The following CEP135 variants were observed in gnomAD, a reference collection of about 807,000 sequenced individuals.
CEP135 encodes the protein centrosomal protein of 135 kDa.
Under a neutral mutation model 157.3 loss-of-function variants are expected in CEP135, and 142 were observed. The observed-to-expected ratio is 0.90, with a 90% CI of 0.79 to 1.04. CEP135 has a LOEUF of 1.04. Among genes scored for constraint, CEP135 ranks in the 50% least tolerant of loss-of-function variants. The probability of loss-of-function intolerance (pLI) is 0.00; values close to 1 mark genes in which losing one functional copy is unlikely to be tolerated. For synonymous variants in CEP135, 396 were observed against 439.8 expected (o/e 0.90, Z 1.25); for missense variants, 1,317 against 1,309.2 (o/e 1.01, Z -0.09).
chr4:55,961,930 C>T (rs1728694737), intron 6 of CEP135, among the ~76,000 whole-genome samples: 2 of 151,910 alleles, frequency 1.3e-5, no homozygotes, highest in Admixed American at 6.6e-5. Context: ...GTTGCCTGTG[C>T]TCTTGACCCC....
In CEP135 at chr4:56,018,704, A is replaced by G. The variant is rs539733251; in HGVS notation, c.3013-649A>G. On this transcript the variant is annotated intron_variant, in intron 22 of 25. Transcript: ENST00000257287. Reference sequence around the variant, plus strand: ...GAGCCCAGGATGTCGAGGCCGCAGTAAGCAGAGATTGTGCCACTGCACTCC... The same window carrying G: ...GAGCCCAGGATGTCGAGGCCGCAGTGAGCAGAGATTGTGCCACTGCACTCC... Among the ~76,000 whole-genome samples the G allele has an allele frequency of 1.4e-4, 21 of 152,204 alleles. No individual in the cohort carries two copies. In the East Asian group the frequency reaches 3.9e-3, roughly 28 times the overall value.
intron 11 of CEP135, among the ~76,000 whole-genome samples, chr4:55,979,213 T>C (rs1172389661): frequency 6.6e-6 from 1 of 152,154 alleles, no homozygotes; most frequent in Non-Finnish European, 1.5e-5. Flanking sequence ...ATACCATAGA[T>C]CCCAAGTCTA....
intron 14 of CEP135, among the ~76,000 whole-genome samples, chr4:55,988,893 C>T (rs1357994394): frequency 2.7e-5 from 4 of 145,796 alleles, no homozygotes; most frequent in East Asian, 4.2e-4. Context: ...CCTAGGATGC[C>T]GAGCTTGCAG....
chr4:55,983,797 G>A (rs1007814792), intron 13 of CEP135, among the ~76,000 whole-genome samples: 22 of 152,234 alleles, frequency 1.4e-4, no homozygotes, highest in Middle Eastern at 6.8e-3. Flanking sequence ...TAGAATTATA[G>A]GCATGAGCCA....
At chr4:55,987,228 T>A (rs1473739547) in intron 14 of CEP135, among the ~76,000 whole-genome samples, 4 of 152,226 alleles carry the variant, frequency 2.6e-5, no homozygotes, top group African/African-American at 9.6e-5. Context: ...GAACTTTTCC[T>A]GGCCCTGCAT....
At chr4:56,023,981 ATATAT>A (rs997470988) in intron 24 of CEP135, among the ~76,000 whole-genome samples, 16 of 141,494 alleles carry the variant, frequency 1.1e-4, no homozygotes, top group Admixed American at 1.5e-4. Context: ...ATATTATATA[ATATAT>A]TGTATGTTAT....
chr4:56,026,545 G>A (rs2109754760), intron 25 of CEP135, among the ~76,000 whole-genome samples: 1 of 152,320 alleles, frequency 6.6e-6, no homozygotes, highest in South Asian at 2.1e-4. Flanking sequence ...TGTATGGAAT[G>A]CCATTATGGA....
intron 5 of CEP135, among the ~76,000 whole-genome samples, chr4:55,959,051 T>G (rs943333758): frequency 1.3e-5 from 2 of 152,094 alleles, no homozygotes; most frequent in Non-Finnish European, 2.9e-5. Context: ...GGCCACAGGA[T>G]TCTAGCCCGG....
rs138305619 is a variant in CEP135 at position 56,009,766 on chromosome 4, C to G, written c.2368C>G (p.Arg790Gly). The change falls in exon 19 of 26, where the codon CGT (arginine) becomes GGT (glycine). Residue 790 changes from arginine (R) to glycine (G), a missense_variant. Arg to Gly is a moderately radical substitution (Grantham distance 125, BLOSUM62 -2). Coordinates refer to ENST00000257287, the MANE Select transcript of CEP135 (RefSeq NM_025009.5). ...QLKETLVNRD[R>G]EINSLRRQLD... ...GAAAGAAACATTGGTTAATCGAGAT[C>G]GTGAGATAAACAGCCTCCGGCGCCA... The G allele has an allele frequency of 3.1e-6, 5 of 1,611,716 alleles. No homozygotes were observed. The African/African-American group carries it at 4.0e-5, about 13-fold the overall frequency.
chr4:56,007,547 C>G (rs1255293763), intron 17 of CEP135, among the ~76,000 whole-genome samples: 1 of 152,196 alleles, frequency 6.6e-6, no homozygotes, highest in Non-Finnish European at 1.5e-5. Context: ...CCTACATCCC[C>G]ACTTAGTCTC....
intron 3 of CEP135, 124 bp downstream of exon 3, chr4:55,953,399 T>C: frequency 1.5e-6 from 1 of 677,944 alleles, no homozygotes; most frequent in South Asian, 2.8e-5. Flanking sequence ...AGCTGGATGG[T>C]GTGTGCCTAT....
intron 21 of CEP135, among the ~76,000 whole-genome samples, 200 bp from the exon 22 acceptor site, chr4:56,017,448 T>C (rs1264622443): frequency 6.6e-6 from 1 of 152,190 alleles, no homozygotes; most frequent in Non-Finnish European, 1.5e-5. Flanking sequence ...GTTACCATGA[T>C]TAATAATTAT....
At position 56,024,523 on chromosome 4, in the gene CEP135, C is replaced by G; in HGVS notation, c.3343C>G (p.Arg1115Gly). 1.2e-6 allele frequency: 2 copies of G among 1,613,518 alleles called. No homozygotes were observed. The highest frequency in any genetic ancestry group is 8.5e-7 in the Non-Finnish European group (1 of 1,179,604). ...YERERAIQEM[R>G]RHGLATPPLS... is the part of the protein sequence containing the mutation. ...CAGAGAACGAGCAATCCAAGAGATG[C>G]GTCGACATGGTCTTGCTACACCACC... The change falls in exon 25 of 26, where the codon CGT (arginine) becomes GGT (glycine). Residue 1115 changes from arginine to glycine, a missense_variant. Coordinates refer to ENST00000257287, the MANE Select transcript of CEP135 (RefSeq NM_025009.5).
intron 15 of CEP135, among the ~76,000 whole-genome samples, chr4:55,995,208 G>C (rs189338516): frequency 6.6e-6 from 1 of 152,260 alleles, no homozygotes; most frequent in African/African-American, 2.4e-5. Context: ...TTATTCCCCT[G>C]GAGCATGCTA....
At chr4:55,955,365 G>A (rs1577863145) in intron 4 of CEP135, among the ~76,000 whole-genome samples, 1 of 152,216 alleles carries the variant, frequency 6.6e-6, no homozygotes, top group South Asian at 2.1e-4. Context: ...AGAGTTCTGA[G>A]TGATGACAAA....
chr4:55,999,168 TG>T, intron 15 of CEP135, 133 bp from the exon 16 acceptor site: 1 of 657,308 alleles, frequency 1.5e-6, no homozygotes, highest in Non-Finnish European at 2.6e-6. Context: ...TAGATTATAC[TG>T]GAGGAGCTTT....
chr4:56,016,768 T>C (rs983286601), intron 21 of CEP135, among the ~76,000 whole-genome samples: 4 of 152,094 alleles, frequency 2.6e-5, no homozygotes, highest in African/African-American at 9.7e-5. Flanking sequence ...CTTGAACTCG[T>C]GGGCTCAGGT....
In CEP135 at chr4:55,980,277, A is replaced by G; in HGVS notation, c.1608A>G (p.Leu536=). The change falls in exon 12 of 26, where the codon CTA becomes CTG. Residue 536 remains leucine (L), a synonymous_variant. Transcript: ENST00000257287. ...TATTGACAGCAGAAAGAGATAAACT[A>G]AGTGTCTTATATAATGAAGTAAGAA... The part of the protein sequence containing the change: ...VKLLTAERDK[L]SVLYNEAQEE... 1.3e-6 allele frequency: 2 copies of G among 1,527,332 alleles called. No individual in the cohort carries two copies. The highest frequency in any genetic ancestry group is 1.1e-5 in the South Asian group (1 of 88,090). The allele number at this position is 1,527,332 out of a possible 1,614,324, so 94.6% of individuals were successfully genotyped here. A position where few individuals can be genotyped will look rare whatever the true frequency, so the allele number is the denominator to read the frequency against.
At chr4:55,966,801 A>G (rs1728858551) in intron 8 of CEP135, among the ~76,000 whole-genome samples, 1 of 152,144 alleles carries the variant, frequency 6.6e-6, no homozygotes, top group Non-Finnish European at 1.5e-5. Context: ...ATTCTTTAAA[A>G]GTGTTTTTAA....
Sources: allele counts gnomAD v4.1 joint callset (sites outside exome capture counted in the v4.1 genomes callset), GRCh38; gene constraint gnomAD v4.1.1; transcripts MANE v1.5; gene names NCBI Gene and HGNC (gene_info 2026-07-23, HGNC 2026-07-21).